The following TEX14 variants were observed in gnomAD, a reference collection of about 807,000 sequenced individuals.
TEX14 encodes inactive serine/threonine-protein kinase TEX14.
Under a neutral mutation model 178.6 loss-of-function variants are expected in TEX14, and 168 were observed. The observed-to-expected ratio is 0.94, with a 90% CI of 0.83 to 1.07. The LOEUF (loss-of-function observed/expected upper bound fraction) is 1.07, where lower values mean the gene tolerates loss of function less well. Among genes scored for constraint, TEX14 ranks in the 50% least tolerant of loss-of-function variants. The pLI is 0.00. For synonymous variants in TEX14, 626 were observed against 634.1 expected, an observed-to-expected ratio of 0.99 and a Z score of 0.19; for missense variants, 1,730 against 1,753.6, an observed-to-expected ratio of 0.99 and a Z score of 0.24.
intron 5 of TEX14, 68 bp downstream of exon 5, chr17:58,621,582 G>T: frequency 3.3e-6 from 5 of 1,499,648 alleles, no homozygotes; most frequent in Non-Finnish European, 4.5e-6. Context: ...GGCAACCCAT[G>T]CTGCAGGGCT....
intron 20 of TEX14, 143 bp from the exon 21 acceptor site, chr17:58,577,599 A>T (rs988687217): frequency 6.8e-5 from 23 of 339,588 alleles, no homozygotes; most frequent in African/African-American, 4.8e-4. Flanking sequence ...GTGCTGCCCT[A>T]ATTGGGTTTG....
At position 58,614,123 on chromosome 17, in the gene TEX14, G is replaced by A. The variant is rs538367761; in HGVS notation, c.882-579C>T. Among the ~76,000 whole-genome samples the A allele has an allele frequency of 2.6e-5, 4 of 152,262 alleles. No individual in the cohort carries two copies. In the South Asian group the frequency reaches 6.2e-4, roughly 24 times the overall value. On this transcript the variant is annotated intron_variant, in intron 8 of 31. Coordinates refer to ENST00000349033, the MANE Select transcript of TEX14 (RefSeq NM_031272.5). Reference sequence around the variant, plus strand: ...AGCTCCTGTATTCTTTGCATACATCGTCTCAGATCCTAACAACCACCTGCA... The same window carrying A: ...AGCTCCTGTATTCTTTGCATACATCATCTCAGATCCTAACAACCACCTGCA...
intron 21 of TEX14, among the ~76,000 whole-genome samples, chr17:58,576,133 T>G (rs535387659): frequency 2.0e-5 from 3 of 152,214 alleles, no homozygotes; most frequent in Non-Finnish European, 4.4e-5. Context: ...TTATAACAAT[T>G]ATGAATTTTT....
At chr17:58,657,419 A>G (rs756886556) in intron 1 of TEX14, among the ~76,000 whole-genome samples, 1 of 151,800 alleles carries the variant, frequency 6.6e-6, no homozygotes, top group Non-Finnish European at 1.5e-5. Flanking sequence ...ACCAGGTTAA[A>G]ACTCAGATAT....
chr17:58,594,576 C>A (rs2045235906), intron 14 of TEX14, among the ~76,000 whole-genome samples: 1 of 151,844 alleles, frequency 6.6e-6, no homozygotes, highest in Non-Finnish European at 1.5e-5. Context: ...TGGTCACGAA[C>A]CCCTGACCTC....
intron 2 of TEX14, among the ~76,000 whole-genome samples, chr17:58,638,505 G>A (rs566374905): frequency 4.6e-5 from 7 of 152,196 alleles, no homozygotes; most frequent in South Asian, 2.1e-4. Context: ...ATGAATTAAC[G>A]GCATTTGCAG....
rs1329665496 is a variant in TEX14, at chr17:58,614,360, C to T, written c.882-816G>A. Reference sequence around the variant, plus strand: ...CAAAAGTTAGCCAGGTGTAGTGGCGCACGCCAGTAGTCCCAGCTACTCAGG... The same window carrying T: ...CAAAAGTTAGCCAGGTGTAGTGGCGTACGCCAGTAGTCCCAGCTACTCAGG... On this transcript the variant is annotated intron_variant, in intron 8 of 31. Transcript: ENST00000349033. Among the ~76,000 whole-genome samples the T allele has an allele frequency of 2.6e-5, 4 of 152,294 alleles. No individual in the cohort carries two copies. In the East Asian group the frequency reaches 7.7e-4, roughly 29 times the overall value.
intron 20 of TEX14, among the ~76,000 whole-genome samples, chr17:58,578,323 G>T (rs2044728922): frequency 6.6e-6 from 1 of 152,160 alleles, no homozygotes; most frequent in Non-Finnish European, 1.5e-5. Context: ...AACATTTAGA[G>T]CTTAGAGACT....
At chr17:58,673,558 T>G (rs937761717) in intron 1 of TEX14, among the ~76,000 whole-genome samples, 3 of 151,798 alleles carry the variant, frequency 2.0e-5, no homozygotes, top group African/African-American at 7.3e-5. Flanking sequence ...TCCTTTATAT[T>G]TGTATTGTTT....
chr17:58,646,098 G>A (rs2046700994), intron 2 of TEX14, among the ~76,000 whole-genome samples: 1 of 152,092 alleles, frequency 6.6e-6, no homozygotes, highest in African/African-American at 2.4e-5. Context: ...ATCCACAAAT[G>A]TGGAACCCAC....
intron 28 of TEX14, among the ~76,000 whole-genome samples, chr17:58,564,563 A>G (rs1402070079): frequency 6.6e-6 from 1 of 152,188 alleles, no homozygotes; most frequent in African/African-American, 2.4e-5. Flanking sequence ...CAGTTTTGCA[A>G]GATGAAAAGG....
At chr17:58,635,962 C>G (rs763685846) in intron 2 of TEX14, among the ~76,000 whole-genome samples, 27 of 152,150 alleles carry the variant, frequency 1.8e-4, no homozygotes, top group Admixed American at 5.9e-4. Flanking sequence ...CCAGGCTGGT[C>G]TTGAACTCCC....
intron 29 of TEX14, among the ~76,000 whole-genome samples, chr17:58,560,801 T>C (rs1246272657): frequency 6.6e-6 from 1 of 152,200 alleles, no homozygotes; most frequent in African/African-American, 2.4e-5. Context: ...CCCACATGTG[T>C]CCTAGGACTC....
chr17:58,562,118 T>C (rs1045538636), intron 28 of TEX14, among the ~76,000 whole-genome samples: 5 of 151,916 alleles, frequency 3.3e-5, no homozygotes, highest in African/African-American at 9.7e-5. Context: ...AGAAGAAATA[T>C]GCACCAAAAT....
At chr17:58,577,487 A>C in intron 20 of TEX14, 31 bp from the exon 21 acceptor site, 1 of 841,394 alleles carries the variant, frequency 1.2e-6, no homozygotes, top group Non-Finnish European at 1.7e-6. Context: ...ATATATATAT[A>C]TATTTTTTTT....
chr17:58,602,145 T>C (rs1361793631), intron 12 of TEX14, among the ~76,000 whole-genome samples, 189 bp from the exon 13 acceptor site: 1 of 152,224 alleles, frequency 6.6e-6, no homozygotes, highest in Non-Finnish European at 1.5e-5. Flanking sequence ...TACCATTCAC[T>C]GAATCTCCAC....
chr17:58,639,422 C>T (rs1187420001), intron 2 of TEX14, among the ~76,000 whole-genome samples: 5 of 151,224 alleles, frequency 3.3e-5, no homozygotes, highest in East Asian at 2.0e-4. Context: ...TCATGTTGGC[C>T]GGGCGCGGTG....
At chr17:58,609,902 G>A (rs1040382810) in intron 10 of TEX14, among the ~76,000 whole-genome samples, 1 of 152,216 alleles carries the variant, frequency 6.6e-6, no homozygotes, top group Non-Finnish European at 1.5e-5. Flanking sequence ...ACAAAGATCT[G>A]GTGAGAGACC....
At chr17:58,651,710 C>T (rs2046843105) in intron 2 of TEX14, among the ~76,000 whole-genome samples, 156 bp downstream of exon 2, 1 of 152,162 alleles carries the variant, frequency 6.6e-6, no homozygotes, top group African/African-American at 2.4e-5. Flanking sequence ...GATTTAACAC[C>T]TCTCTTGACT....
Sources: allele counts gnomAD v4.1 joint callset (sites outside exome capture counted in the v4.1 genomes callset), GRCh38; gene constraint gnomAD v4.1.1; transcripts MANE v1.5; gene names NCBI Gene and HGNC (gene_info 2026-07-23, HGNC 2026-07-21).